Variants in PRR16 observed in about 807,000 individuals in gnomAD.
PRR16 encodes the protein proline rich 16.
PRR16 carries 6 observed loss-of-function variants against 18.2 expected under a neutral mutation model. That is an observed-to-expected ratio of 0.33 (90% CI 0.18 to 0.65). PRR16 has a LOEUF of 0.65. Among genes scored for constraint, PRR16 ranks in the 30% least tolerant of loss-of-function variants. The pLI is 0.74. For missense variants in PRR16, 412 were observed against 376.6 expected (o/e 1.09, Z -0.78); for synonymous variants, 151 against 147.8 (o/e 1.02, Z -0.16).
rs188496321 is a variant in PRR16 at position 120,581,191 on chromosome 5, A to G, written c.160-104763A>G. On this transcript the variant is annotated intron_variant, in intron 1 of 1. Coordinates refer to ENST00000407149, the MANE Select transcript of PRR16 (RefSeq NM_001300783.2). Reference sequence around the variant, plus strand: ...TGGTAGGCTATTAATTACTACCTCAATTTCAGAGCTTGTTATTGGTCTATT... The same window carrying G: ...TGGTAGGCTATTAATTACTACCTCAGTTTCAGAGCTTGTTATTGGTCTATT... Among the ~76,000 whole-genome samples the G allele has an allele frequency of 6.5e-4, 99 of 152,246 alleles. No individual in the cohort carries two copies. In the East Asian group the frequency reaches 0.017, roughly 26 times the overall value.
the PRR16 span, among the ~76,000 whole-genome samples, chr5:120,766,556 A>ACTT: frequency 2.0e-5 from 3 of 151,860 alleles, no homozygotes; most frequent in Admixed American, 6.6e-5. Context: ...CAAAGTGGTG[A>ACTT]CTTTTATTTC....
intron 1 of PRR16, among the ~76,000 whole-genome samples, chr5:120,489,100 G>A (rs1413764277): frequency 1.3e-5 from 2 of 152,166 alleles, no homozygotes; most frequent in African/African-American, 4.8e-5. Flanking sequence ...AATACGTGTG[G>A]TGTGGTGCTG....
intron 1 of PRR16, among the ~76,000 whole-genome samples, chr5:120,562,817 T>G (rs1016291740): frequency 1.3e-5 from 2 of 152,186 alleles, no homozygotes; most frequent in Non-Finnish European, 2.9e-5. Flanking sequence ...AACTTTGTTT[T>G]TTTATGTCTT....
At chr5:120,496,687 T>C (rs1750257268) in intron 1 of PRR16, among the ~76,000 whole-genome samples, 1 of 151,988 alleles carries the variant, frequency 6.6e-6, no homozygotes, top group Non-Finnish European at 1.5e-5. Flanking sequence ...ATTTTGTCTA[T>C]ATTGTTTTTG....
intron 1 of PRR16, among the ~76,000 whole-genome samples, chr5:120,605,953 C>T (rs1754140839): frequency 1.3e-5 from 2 of 152,136 alleles, no homozygotes; most frequent in African/African-American, 4.8e-5. Context: ...CAAAAGCACT[C>T]CAGCCAGGCA....
intron 1 of PRR16, among the ~76,000 whole-genome samples, chr5:120,588,291 T>C (rs1391240546): frequency 6.6e-6 from 1 of 152,208 alleles, no homozygotes; most frequent in Non-Finnish European, 1.5e-5. Flanking sequence ...TTGAAAGGAT[T>C]GACTCCAATT....
At chr5:120,591,877 T>TACC (rs1753647163) in intron 1 of PRR16, among the ~76,000 whole-genome samples, 1 of 152,146 alleles carries the variant, frequency 6.6e-6, no homozygotes, top group South Asian at 2.1e-4. Flanking sequence ...TCTTCGAAAG[T>TACC]ACCAAGTAAA....
intron 1 of PRR16, among the ~76,000 whole-genome samples, chr5:120,682,614 G>T (rs182634352): frequency 3.7e-4 from 56 of 152,110 alleles, no homozygotes; most frequent in African/African-American, 1.1e-3. Flanking sequence ...AAATGTGTGG[G>T]GTAGATAACC....
chr5:120,771,457 C>T, the PRR16 span, among the ~76,000 whole-genome samples: 1 of 152,186 alleles, frequency 6.6e-6, no homozygotes, highest in Middle Eastern at 3.4e-3. Context: ...TTTACATCAT[C>T]ATCCCTTTAG....
chr5:120,720,335 G>A, the PRR16 span, among the ~76,000 whole-genome samples: 1 of 151,608 alleles, frequency 6.6e-6, no homozygotes, highest in Admixed American at 6.6e-5. Context: ...CCAAAATTAA[G>A]GTTTATTAAA....
chr5:120,790,754 C>T, the PRR16 span: 1 of 151,942 alleles, frequency 6.6e-6, no homozygotes, highest in Non-Finnish European at 1.5e-5. Context: ...CACAGATGGT[C>T]CCATGAGTTT....
chr5:120,581,412 T>G (rs1397166658), intron 1 of PRR16, among the ~76,000 whole-genome samples: 1 of 152,234 alleles, frequency 6.6e-6, no homozygotes, highest in Non-Finnish European at 1.5e-5. Context: ...TTCTCTCTTC[T>G]TCTTTAATAG....
intron 1 of PRR16, among the ~76,000 whole-genome samples, chr5:120,622,087 AC>A (rs1370561215): frequency 3.9e-5 from 6 of 152,072 alleles, no homozygotes; most frequent in African/African-American, 1.4e-4. Flanking sequence ...GTCTGACAAT[AC>A]TACCTGTAGT....
chr5:120,773,483 G>A, the PRR16 span, among the ~76,000 whole-genome samples: 1 of 152,018 alleles, frequency 6.6e-6, no homozygotes, highest in East Asian at 1.9e-4. Context: ...CACAGGTATG[G>A]GTCTAGCTTT....
rs564928390 is a variant in PRR16 at position 120,553,293 on chromosome 5, G to A, written c.159+88648G>A. On this transcript the variant is annotated intron_variant, in intron 1 of 1. Transcript: ENST00000407149. ...ATATTAGTGAGGCATTTTACAAAGGGTCTCATGTTACATAGGAAGGACTGT... is the reference window on the plus strand; with the variant it reads ...ATATTAGTGAGGCATTTTACAAAGGATCTCATGTTACATAGGAAGGACTGT... 4.0e-5 allele frequency among the ~76,000 whole-genome samples: 6 copies of A among 151,876 alleles called. No homozygotes were observed. In the South Asian group the frequency reaches 1.2e-3, roughly 31 times the overall value.
At chr5:120,704,536 C>A in the PRR16 span, among the ~76,000 whole-genome samples, 1 of 152,100 alleles carries the variant, frequency 6.6e-6, no homozygotes, top group African/African-American at 2.4e-5. Context: ...AACTAGAGCA[C>A]CAATGTACTC....
rs538924257 is a variant in PRR16, at chr5:120,485,682, G to A, written c.159+21037G>A. On this transcript the variant is annotated intron_variant, in intron 1 of 1. Coordinates refer to ENST00000407149, the MANE Select transcript of PRR16 (RefSeq NM_001300783.2). ...TTATTATTATACTTTAAGTTTTAGGGTACATGTGCACAACGTGCAGGTTAG... is the reference window on the plus strand; with the variant it reads ...TTATTATTATACTTTAAGTTTTAGGATACATGTGCACAACGTGCAGGTTAG... Among the ~76,000 whole-genome samples the A allele has an allele frequency of 9.2e-5, 14 of 152,070 alleles. No homozygotes were observed. In the South Asian group the frequency reaches 2.9e-3, roughly 32 times the overall value.
intron 1 of PRR16, among the ~76,000 whole-genome samples, chr5:120,543,158 T>C (rs1463647578): frequency 1.3e-5 from 2 of 152,186 alleles, no homozygotes; most frequent in Non-Finnish European, 2.9e-5. Context: ...CTTGTAATTA[T>C]CAAACTCTTA....
At chr5:120,641,665 A>G (rs1419261730) in intron 1 of PRR16, among the ~76,000 whole-genome samples, 1 of 152,076 alleles carries the variant, frequency 6.6e-6, no homozygotes, top group African/African-American at 2.4e-5. Flanking sequence ...AATCTGCTCT[A>G]GATGGCTTTC....
Sources: allele counts gnomAD v4.1 joint callset (sites outside exome capture counted in the v4.1 genomes callset), GRCh38; gene constraint gnomAD v4.1.1; transcripts MANE v1.5; gene names NCBI Gene and HGNC (gene_info 2026-07-23, HGNC 2026-07-21).